ARID4A: variants seen among roughly 807,000 people sequenced by gnomAD.
The protein encoded by ARID4A is AT-rich interactive domain-containing protein 4A.
Under a neutral mutation model 148.6 loss-of-function variants are expected in ARID4A, and 39 were observed. The observed-to-expected ratio is 0.26, with a 90% confidence interval of 0.20 to 0.34. The LOEUF is 0.34. Among genes scored for constraint, ARID4A ranks in the 10% least tolerant of loss-of-function variants. The pLI, the probability that ARID4A is intolerant of heterozygous loss-of-function variation, is 1.00. For missense variants in ARID4A, 1,265 were observed against 1,449.1 expected (o/e 0.87, Z 2.06); for synonymous variants, 475 against 481.2 (o/e 0.99, Z 0.17).
chr14:58,342,810 G>T (rs1393405384), intron 11 of ARID4A, among the ~76,000 whole-genome samples: 1 of 152,140 alleles, frequency 6.6e-6, no homozygotes, highest in South Asian at 2.1e-4. Flanking sequence ...CTACTCAGGA[G>T]CCTGAGGAAG....
Position 58,373,370 on chromosome 14 carries a change from T to G in ARID4A, c.*1381T>G, listed in dbSNP as rs528375663. 7 of 185,448 alleles carry G rather than the reference T, an allele frequency of 3.8e-5. No individual in the cohort carries two copies. The highest frequency in any genetic ancestry group is 6.9e-5 in the Non-Finnish European group (6 of 87,456). 11.5% of individuals were successfully genotyped at this position (185,448 alleles called of 1,614,324 possible). ...TAAAAAGGTGATTTTATAAAAGCAGTTTTTAAATTCATGTTTGTACATTGA... is the reference window on the plus strand; with the variant it reads ...TAAAAAGGTGATTTTATAAAAGCAGGTTTTAAATTCATGTTTGTACATTGA... On this transcript the variant is annotated 3_prime_UTR_variant, in exon 24 of 24. Transcript: ENST00000355431.
At chr14:58,309,946 A>G (rs2031893600) in intron 5 of ARID4A, among the ~76,000 whole-genome samples, 1 of 152,210 alleles carries the variant, frequency 6.6e-6, no homozygotes, top group Non-Finnish European at 1.5e-5. Flanking sequence ...CAGGTTTATA[A>G]GGTTTTTAAT....
intron 17 of ARID4A, among the ~76,000 whole-genome samples, chr14:58,355,485 CTG>C (rs977852554): frequency 6.6e-5 from 10 of 152,100 alleles, no homozygotes; most frequent in Non-Finnish European, 1.3e-4. Context: ...GCAATTATAA[CTG>C]TATTGTAATA....
At chr14:58,344,674 T>TTA (rs1271801947) in intron 11 of ARID4A, 21 bp from the exon 12 acceptor site, 1 of 1,556,110 alleles carries the variant, frequency 6.4e-7, no homozygotes, top group Non-Finnish European at 8.8e-7. Flanking sequence ...TGCCATACAT[T>TTA]TATATATTTT....
chr14:58,306,457 T>A (rs559097657), intron 5 of ARID4A, among the ~76,000 whole-genome samples: 1 of 152,354 alleles, frequency 6.6e-6, no homozygotes, highest in South Asian at 2.1e-4. Flanking sequence ...CTACATATTT[T>A]ATACAAGGGT....
At chr14:58,332,816 A>T (rs569319570) in intron 11 of ARID4A, among the ~76,000 whole-genome samples, 2 of 152,244 alleles carry the variant, frequency 1.3e-5, no homozygotes, top group Non-Finnish European at 2.9e-5. Context: ...TACAATAATC[A>T]AAAAGATCTT....
At chr14:58,360,822 T>C (rs906156344) in intron 18 of ARID4A, 79 bp from the exon 19 acceptor site, 3 of 1,420,374 alleles carry the variant, frequency 2.1e-6, no homozygotes. Flanking sequence ...TTTTGAGATG[T>C]AGTTTTCTTT....
At chr14:58,370,900 C>T (rs2035581512) in intron 23 of ARID4A, among the ~76,000 whole-genome samples, 1 of 152,204 alleles carries the variant, frequency 6.6e-6, no homozygotes, top group African/African-American at 2.4e-5. Flanking sequence ...CATGAGCCAA[C>T]ATGCCCAGCT....
intron 11 of ARID4A, among the ~76,000 whole-genome samples, chr14:58,340,189 C>T (rs573337821): frequency 5.3e-4 from 81 of 152,272 alleles, no homozygotes; most frequent in Admixed American, 2.1e-3. Context: ...GCCAGCAAGT[C>T]ATGGGCCATA....
rs769374527 is a variant in ARID4A, at chr14:58,299,811, G to A, written c.-44G>A. ...CCCTCCCCATAGTTCTAGCGACTGC[G>A]AAGATAGCTCGCTGAGCTGGAACCC... On this transcript the variant is annotated 5_prime_UTR_variant, in exon 2 of 24. Coordinates refer to ENST00000355431, the MANE Select transcript of ARID4A (RefSeq NM_002892.4). 3 of 1,614,170 alleles carry A rather than the reference G, an allele frequency of 1.9e-6. No homozygotes were observed. Among genetic ancestry groups the A allele is most frequent in the Non-Finnish European group, 2.5e-6 (3 of 1,180,008 alleles).
chr14:58,311,330 A>G (rs937471084), intron 5 of ARID4A, among the ~76,000 whole-genome samples: 109 of 152,332 alleles, frequency 7.2e-4, no homozygotes, highest in African/African-American at 2.6e-3. Context: ...ACAGGTATGT[A>G]AAGAACTGTT....
At chr14:58,356,979 G>A (rs139715145) in intron 17 of ARID4A, among the ~76,000 whole-genome samples, 191 of 152,272 alleles carry the variant, frequency 1.3e-3, no homozygotes, top group African/African-American at 3.7e-3. Context: ...GATTACAGGC[G>A]TGAGCCACTG....
At chr14:58,342,344 C>CT (rs1212733010) in intron 11 of ARID4A, among the ~76,000 whole-genome samples, 3 of 152,044 alleles carry the variant, frequency 2.0e-5, no homozygotes, top group African/African-American at 7.2e-5. Context: ...TGTACCAAAA[C>CT]TACAATTTTA....
chr14:58,338,987 G>A (rs2033973607), intron 11 of ARID4A, among the ~76,000 whole-genome samples: 1 of 123,166 alleles, frequency 8.1e-6, no homozygotes, highest in African/African-American at 3.2e-5. Flanking sequence ...TTTTTTTGGA[G>A]ACACAGTCTT....
At chr14:58,335,284 T>C (rs1462556703) in intron 11 of ARID4A, among the ~76,000 whole-genome samples, 1 of 151,990 alleles carries the variant, frequency 6.6e-6, no homozygotes. Flanking sequence ...GCTCAAGACA[T>C]TTATATCAAA....
chr14:58,369,461 A>G (rs556639545), intron 23 of ARID4A, among the ~76,000 whole-genome samples: 47 of 152,160 alleles, frequency 3.1e-4, no homozygotes, highest in Non-Finnish European at 7.4e-5. Flanking sequence ...CCCTGTCTCT[A>G]CTAAAACTAC....
chr14:58,349,261 C>T (rs1490270430), intron 15 of ARID4A, among the ~76,000 whole-genome samples: 1 of 152,118 alleles, frequency 6.6e-6, no homozygotes. Context: ...AAAAACCTTC[C>T]TCATCCTACA....
intron 7 of ARID4A, among the ~76,000 whole-genome samples, chr14:58,320,600 T>C (rs1164597172): frequency 7.2e-5 from 9 of 125,384 alleles, no homozygotes; most frequent in African/African-American, 2.7e-4. Context: ...TGACATTGAC[T>C]TTTTTTTTTT....
chr14:58,317,861 C>T (rs1451477175), intron 5 of ARID4A, among the ~76,000 whole-genome samples: 4 of 151,492 alleles, frequency 2.6e-5, no homozygotes, highest in African/African-American at 4.9e-5. Context: ...CAGCTGGGTA[C>T]AGTGGTTGAT....
Sources: gnomAD v4.1 joint callset for allele counts (sites outside exome capture counted in the v4.1 genomes callset) on GRCh38, gnomAD v4.1.1 for gene constraint, MANE v1.5 for transcripts, NCBI Gene and HGNC (gene_info 2026-07-23, HGNC 2026-07-21) for gene names.